Variants in EXT1 observed in about 807,000 individuals in gnomAD.
EXT1 encodes exostosin glycosyltransferase 1, also known as exostosin-1.
Under a neutral mutation model 82.5 loss-of-function variants are expected in EXT1, and 20 were observed. That is an observed-to-expected ratio of 0.24 (90% CI 0.17 to 0.35). EXT1 has a LOEUF of 0.35. EXT1 is among the 10% of genes least tolerant of loss of function. The probability of loss-of-function intolerance (pLI) is 1.00; values close to 1 mark genes in which losing one functional copy is unlikely to be tolerated. For synonymous variants in EXT1, 348 were observed against 350.8 expected (o/e 0.99, Z 0.09); for missense variants, 757 against 936.5 (o/e 0.81, Z 2.50).
chr8:117,939,439 C>T (rs1024067323), intron 1 of EXT1, among the ~76,000 whole-genome samples: 6 of 151,668 alleles, frequency 4.0e-5, no homozygotes, highest in African/African-American at 7.3e-5. Flanking sequence ...TATGGTGGTG[C>T]GCGCCTGTAA....
chr8:117,858,143 T>C (rs1487313789), intron 1 of EXT1, among the ~76,000 whole-genome samples: 2 of 152,196 alleles, frequency 1.3e-5, no homozygotes, highest in Non-Finnish European at 2.9e-5. Context: ...TGAAGATGCT[T>C]TGAACATTGT....
intron 1 of EXT1, among the ~76,000 whole-genome samples, chr8:117,996,110 G>A (rs1213186374): frequency 6.6e-6 from 1 of 152,106 alleles, no homozygotes; most frequent in Non-Finnish European, 1.5e-5. Flanking sequence ...AAGATTGCTG[G>A]CTCCAAGGCT....
At chr8:117,941,656 A>G (rs1043127861) in intron 1 of EXT1, among the ~76,000 whole-genome samples, 31 of 152,214 alleles carry the variant, frequency 2.0e-4, no homozygotes, top group African/African-American at 7.0e-4. Flanking sequence ...GGCACAGAAG[A>G]GCTCTGTTCA....
At chr8:118,007,088 G>C (rs977343272) in intron 1 of EXT1, among the ~76,000 whole-genome samples, 6 of 152,176 alleles carry the variant, frequency 3.9e-5, no homozygotes, top group African/African-American at 1.4e-4. Context: ...ACGAGGTCAG[G>C]AGATCGAGAC....
chr8:117,913,732 G>T (rs1460620785), intron 1 of EXT1, among the ~76,000 whole-genome samples: 2 of 152,172 alleles, frequency 1.3e-5, no homozygotes, highest in African/African-American at 4.8e-5. Flanking sequence ...CTTCATCAAT[G>T]ACTCTATAAT....
At chr8:118,090,925 G>A (rs923224327) in intron 1 of EXT1, among the ~76,000 whole-genome samples, 3 of 151,748 alleles carry the variant, frequency 2.0e-5, no homozygotes, top group East Asian at 1.9e-4. Flanking sequence ...GTGGTTGGCT[G>A]AGCATGGCAT....
chr8:118,054,882 T>G (rs1444982094), intron 1 of EXT1, among the ~76,000 whole-genome samples: 1 of 151,920 alleles, frequency 6.6e-6, no homozygotes, highest in Non-Finnish European at 1.5e-5. Flanking sequence ...GAGCCTCTCA[T>G]TGTACAATTT....
intron 1 of EXT1, among the ~76,000 whole-genome samples, chr8:118,012,494 C>G (rs899469631): frequency 1.3e-5 from 2 of 152,156 alleles, no homozygotes; most frequent in African/African-American, 4.8e-5. Context: ...CAAGGCCACC[C>G]GACAAGGCAG....
Position 117,799,913 on chromosome 8 carries a change from G to C in EXT1, c.2056-16C>G. 2 of 1,613,368 alleles carry C rather than the reference G, an allele frequency of 1.2e-6. No homozygotes were observed. The highest frequency in any genetic ancestry group is 1.7e-6 in the Non-Finnish European group (2 of 1,179,792). On this transcript the variant is annotated splice_polypyrimidine_tract_variant and intron_variant, in intron 10 of 10. Coordinates refer to ENST00000378204, the MANE Select transcript of EXT1 (RefSeq NM_000127.3). ...CCCGAGAAGTCTAGGGAGAAGGAGA[G>C]AAACAAGGATAATGATGAGAGAAGT...
intron 1 of EXT1, among the ~76,000 whole-genome samples, chr8:118,098,300 G>A (rs897828): frequency 0.53 from 79,771 of 151,830 alleles, 23,006 homozygotes; most frequent in Middle Eastern, 0.67. Context: ...GACAAGAGAC[G>A]AGATGTCCCT....
At chr8:118,061,302 T>C (rs11562757) in intron 1 of EXT1, among the ~76,000 whole-genome samples, 8,887 of 152,206 alleles carry the variant, frequency 0.058, 814 homozygotes, top group African/African-American at 0.2. Context: ...TCAACCAAAA[T>C]AGGGAAGGTG....
chr8:117,870,282 T>A (rs961466189), intron 1 of EXT1, among the ~76,000 whole-genome samples: 3 of 152,170 alleles, frequency 2.0e-5, no homozygotes, highest in Admixed American at 6.5e-5. Flanking sequence ...TTAAAACACA[T>A]CTCCCACCAA....
intron 1 of EXT1, among the ~76,000 whole-genome samples, chr8:117,982,025 T>C (rs950010692): frequency 1.3e-5 from 2 of 152,212 alleles, no homozygotes; most frequent in African/African-American, 4.8e-5. Flanking sequence ...CAATGATTAG[T>C]TTTCTATTGC....
At chr8:117,821,930 T>A (rs1035324568) in intron 5 of EXT1, among the ~76,000 whole-genome samples, 1 of 152,214 alleles carries the variant, frequency 6.6e-6, no homozygotes, top group South Asian at 2.1e-4. Context: ...AAAGCAGAGA[T>A]TGTATCTTAT....
chr8:117,801,410 A>T (rs1240543120), intron 10 of EXT1, among the ~76,000 whole-genome samples: 1 of 152,198 alleles, frequency 6.6e-6, no homozygotes, highest in Non-Finnish European at 1.5e-5. Flanking sequence ...TCAGAGAAAG[A>T]TATCAAATGG....
rs1037559876 is a variant in EXT1, at chr8:117,795,979, A to C, written c.*3733T>G. 6.6e-6 allele frequency: 1 copy of C among 152,308 alleles called. No homozygotes were observed. Among genetic ancestry groups the C allele is most frequent in the South Asian group, 2.1e-4 (1 of 4,822 alleles). 9.4% of individuals were successfully genotyped at this position (152,308 alleles called of 1,614,324 possible). A position where few individuals can be genotyped will look rare whatever the true frequency, so the allele number is the denominator to read the frequency against. On this transcript the variant is annotated 3_prime_UTR_variant, in exon 11 of 11. Transcript: ENST00000378204. Reference sequence around the variant, plus strand: ...AGAAAATGAGGCTGATAGTGAAAGAAATTTCTTGGTTAAATCTGGCCAAGA... The same window carrying C: ...AGAAAATGAGGCTGATAGTGAAAGACATTTCTTGGTTAAATCTGGCCAAGA...
intron 1 of EXT1, among the ~76,000 whole-genome samples, chr8:117,998,676 T>C (rs796842368): frequency 1.3e-5 from 2 of 152,268 alleles, no homozygotes; most frequent in African/African-American, 4.8e-5. Context: ...AAAGCATACA[T>C]ATGAAGGTGT....
At chr8:117,918,698 G>A (rs1430436154) in intron 1 of EXT1, among the ~76,000 whole-genome samples, 1 of 152,134 alleles carries the variant, frequency 6.6e-6, no homozygotes, top group Non-Finnish European at 1.5e-5. Context: ...GCATGGAGGC[G>A]AACTGAGCGT....
At chr8:117,989,725 C>T (rs1201144539) in intron 1 of EXT1, among the ~76,000 whole-genome samples, 1 of 152,184 alleles carries the variant, frequency 6.6e-6, no homozygotes, top group East Asian at 1.9e-4. Flanking sequence ...AGAGATCCAT[C>T]TGGGCGAGAT....
Sources: gnomAD v4.1 joint callset for allele counts (sites outside exome capture counted in the v4.1 genomes callset) on GRCh38, gnomAD v4.1.1 for gene constraint, MANE v1.5 for transcripts, NCBI Gene and HGNC (gene_info 2026-07-23, HGNC 2026-07-21) for gene names.